ELOVL7: variants seen among roughly 807,000 people sequenced by gnomAD.
The protein encoded by ELOVL7 is ELOVL fatty acid elongase 7, also known as very long chain fatty acid elongase 7.
In ELOVL7, 27 loss-of-function variants were observed where a neutral mutation model predicts 35.7. The ratio of observed to expected loss-of-function variants is 0.76; its 90% CI spans 0.56 to 1.04. ELOVL7 has a LOEUF of 1.04. ELOVL7 is among the 50% of genes least tolerant of loss of function. The pLI is 0.00. For synonymous variants in ELOVL7, 113 were observed against 114.6 expected, an observed-to-expected ratio of 0.99 and a Z score of 0.09; for missense variants, 327 against 340.8, an observed-to-expected ratio of 0.96 and a Z score of 0.32.
In ELOVL7 at chr5:60,753,768, TA is replaced by T. The variant is rs1417683158; in HGVS notation, c.*855del. ...AATGTAAGAAAGTGATGTGATACTATAACAGACAACAGGTTTTTCCCACTGA... is the reference window on the plus strand; with the variant it reads ...AATGTAAGAAAGTGATGTGATACTATACAGACAACAGGTTTTTCCCACTGA... On this transcript the variant is annotated 3_prime_UTR_variant, in exon 9 of 9. Transcript: ENST00000508821. 1.3e-5 allele frequency: 2 copies of T among 152,234 alleles called. No homozygotes were observed. Among genetic ancestry groups the T allele is most frequent in the East Asian group, 3.8e-4 (2 of 5,206 alleles). 9.4% of individuals were successfully genotyped at this position (152,234 alleles called of 1,614,324 possible).
At position 60,755,410 on chromosome 5, in the gene ELOVL7, G is replaced by A. The variant is rs191405522; in HGVS notation, c.637-577C>T. 9.2e-3 allele frequency among the ~76,000 whole-genome samples: 1,407 copies of A among 152,266 alleles called. 9 individuals are homozygous for A. Among genetic ancestry groups the A allele is most frequent in the Non-Finnish European group, 0.013 (917 of 68,012 alleles). ...ACGGTGGCTCACGCCTGTAATCCCAGCACTTTGGGAGGCTGAGGCGGGTGG... is the reference window on the plus strand; with the variant it reads ...ACGGTGGCTCACGCCTGTAATCCCAACACTTTGGGAGGCTGAGGCGGGTGG... On this transcript the variant is annotated intron_variant, in intron 8 of 8. Transcript: ENST00000508821.
chr5:60,818,732 G>A (rs958254032), intron 1 of ELOVL7, among the ~76,000 whole-genome samples: 2 of 151,962 alleles, frequency 1.3e-5, no homozygotes, highest in South Asian at 2.1e-4. Flanking sequence ...TTGAGGCTGG[G>A]CATGGTGGCT....
intron 4 of ELOVL7, among the ~76,000 whole-genome samples, chr5:60,770,863 A>T (rs1742539319): frequency 6.6e-6 from 1 of 152,004 alleles, no homozygotes; most frequent in Admixed American, 6.6e-5. Flanking sequence ...ACGCCTGGCT[A>T]ATTTTTTTGT....
chr5:60,779,291 G>A (rs1360371629), intron 3 of ELOVL7, among the ~76,000 whole-genome samples: 1 of 152,222 alleles, frequency 6.6e-6, no homozygotes, highest in Non-Finnish European at 1.5e-5. Flanking sequence ...GTGGGGACTA[G>A]GTGTTTGGGG....
intron 7 of ELOVL7, among the ~76,000 whole-genome samples, chr5:60,763,770 G>A (rs1233175692): frequency 6.6e-6 from 1 of 152,140 alleles, no homozygotes; most frequent in African/African-American, 2.4e-5. Flanking sequence ...TCTTTAAAGA[G>A]CTATTAGGGG....
chr5:60,756,142 G>C (rs1249821312), intron 8 of ELOVL7, among the ~76,000 whole-genome samples: 1 of 151,984 alleles, frequency 6.6e-6, no homozygotes, highest in Non-Finnish European at 1.5e-5. Context: ...AGACATATTT[G>C]AGAATATGAT....
chr5:60,818,520 A>T (rs1159099863), intron 1 of ELOVL7, among the ~76,000 whole-genome samples: 1 of 152,162 alleles, frequency 6.6e-6, no homozygotes, highest in African/African-American at 2.4e-5. Flanking sequence ...GATAAGATAC[A>T]TGTAGTAATG....
chr5:60,837,315 T>TGGGGGGGGGGGGGGGGGGGGGGGGG (rs1227317155), intron 1 of ELOVL7, among the ~76,000 whole-genome samples: 7 of 24,520 alleles, frequency 2.9e-4, no homozygotes, highest in Non-Finnish European at 3.6e-4. Context: ...GGCGGGGGGG[T>TGGGGGGGGGGGGGGGGGGGGGGGGG]GGGGGGGGAG....
chr5:60,781,384 C>T (rs372375709), intron 3 of ELOVL7, among the ~76,000 whole-genome samples: 67 of 152,018 alleles, frequency 4.4e-4, no homozygotes, highest in African/African-American at 1.6e-3. Context: ...TGGTTAGAAA[C>T]GAGCTTAAAT....
chr5:60,816,929 T>C (rs1745548860), intron 1 of ELOVL7, among the ~76,000 whole-genome samples: 1 of 152,052 alleles, frequency 6.6e-6, no homozygotes, highest in Admixed American at 6.6e-5. Flanking sequence ...TGAATGAAAA[T>C]TACACAGATC....
intron 1 of ELOVL7, among the ~76,000 whole-genome samples, chr5:60,823,441 C>A (rs778783122): frequency 6.6e-6 from 1 of 152,164 alleles, no homozygotes; most frequent in Non-Finnish European, 1.5e-5. Flanking sequence ...CAGGAAGGCA[C>A]GGACTATAAC....
chr5:60,776,084 A>G (rs539840395), intron 3 of ELOVL7, among the ~76,000 whole-genome samples: 11 of 152,350 alleles, frequency 7.2e-5, no homozygotes, highest in Admixed American at 2.6e-4. Context: ...TGCATCCAAC[A>G]GGACTAATAT....
intron 1 of ELOVL7, among the ~76,000 whole-genome samples, chr5:60,814,457 C>T (rs1043895188): frequency 6.6e-6 from 1 of 152,170 alleles, no homozygotes; most frequent in African/African-American, 2.4e-5. Flanking sequence ...CTGAAACCAA[C>T]TATTGTCTCT....
chr5:60,784,674 C>T (rs1329675316), intron 3 of ELOVL7, among the ~76,000 whole-genome samples: 3 of 152,238 alleles, frequency 2.0e-5, no homozygotes, highest in South Asian at 4.1e-4. Flanking sequence ...TCAGACATTT[C>T]CAGGGTAAGC....
At chr5:60,800,523 G>A (rs1744545405) in intron 1 of ELOVL7, among the ~76,000 whole-genome samples, 1 of 152,200 alleles carries the variant, frequency 6.6e-6, no homozygotes. Flanking sequence ...ATACTCAGCA[G>A]TAAAGAGTTG....
chr5:60,802,117 T>TACACACAC (rs34511373), intron 1 of ELOVL7, among the ~76,000 whole-genome samples: 10 of 12,110 alleles, frequency 8.3e-4, no homozygotes, highest in Admixed American at 2.5e-3. Context: ...TATATATATA[T>TACACACAC]ACACACACAC....
At chr5:60,817,830 A>ATG (rs1225449225) in intron 1 of ELOVL7, among the ~76,000 whole-genome samples, 2,343 of 144,950 alleles carry the variant, frequency 0.016, 33 homozygotes, top group African/African-American at 0.03. Flanking sequence ...GTGTATATAT[A>ATG]TGTGTGTGTG....
rs377660364 is a variant in ELOVL7, at chr5:60,822,616, G to A, written c.-86+21544C>T. ...ACTTGGGAGGAAGGTCAAGGCTAAG[G>A]ATACAGCTTTTGGAACTTCACATCT... On this transcript the variant is annotated intron_variant, in intron 1 of 8. Transcript: ENST00000508821. 1.4e-4 allele frequency among the ~76,000 whole-genome samples: 22 copies of A among 152,296 alleles called. No homozygotes were observed. The East Asian group carries it at 4.0e-3, about 28-fold the overall frequency.
At position 60,844,257 on chromosome 5, in the gene ELOVL7, C is replaced by T. The variant is rs1009639513; in HGVS notation, c.-183G>A. On this transcript the variant is annotated 5_prime_UTR_variant, in exon 1 of 9. Coordinates refer to ENST00000508821, the MANE Select transcript of ELOVL7 (RefSeq NM_024930.3). ...GCTCCTCACAGCGGCCCCCGCTGTC[C>T]CGGCCGCCGACTGGGTTGGAAAGGG... 6.6e-6 allele frequency: 1 copy of T among 151,986 alleles called. No homozygotes were observed. The highest frequency in any genetic ancestry group is 2.4e-5 in the African/African-American group (1 of 41,418). The allele number at this position is 151,986 out of a possible 1,614,324, so 9.4% of individuals were successfully genotyped here.
Sources: gnomAD v4.1 joint callset for allele counts (sites outside exome capture counted in the v4.1 genomes callset) on GRCh38, gnomAD v4.1.1 for gene constraint, MANE v1.5 for transcripts, NCBI Gene and HGNC (gene_info 2026-07-23, HGNC 2026-07-21) for gene names.